PLPPR1: variants seen among roughly 807,000 people sequenced by gnomAD.
PLPPR1 encodes the protein phospholipid phosphatase-related protein type 1.
In PLPPR1, 10 loss-of-function variants were observed where a neutral mutation model predicts 33.1. The ratio of observed to expected loss-of-function variants is 0.30; its 90% confidence interval spans 0.19 to 0.51. The LOEUF (loss-of-function observed/expected upper bound fraction) is 0.51. PLPPR1 is among the 20% of genes least tolerant of loss of function. The pLI is 0.97. For missense variants in PLPPR1, 304 were observed against 408.1 expected, an observed-to-expected ratio of 0.74 and a Z score of 2.20; for synonymous variants, 151 against 151.0, an observed-to-expected ratio of 1.00 and a Z score of 0.00.
intron 1 of PLPPR1, among the ~76,000 whole-genome samples, chr9:101,135,820 T>C (rs1831371336): frequency 6.6e-6 from 1 of 152,200 alleles, no homozygotes; most frequent in Non-Finnish European, 1.5e-5. Flanking sequence ...CACCTTTACA[T>C]TTTTCAGTTT....
intron 1 of PLPPR1, among the ~76,000 whole-genome samples, chr9:101,090,233 C>T (rs1473401312): frequency 2.6e-5 from 4 of 152,078 alleles, no homozygotes; most frequent in African/African-American, 4.8e-5. Flanking sequence ...GCAAAGACCC[C>T]GTTTCCAAAC....
intron 1 of PLPPR1, among the ~76,000 whole-genome samples, chr9:101,070,193 T>C (rs1830465378): frequency 6.6e-6 from 1 of 152,144 alleles, no homozygotes; most frequent in South Asian, 2.1e-4. Flanking sequence ...TCAGGGGGAC[T>C]ATCAATTTAA....
rs924410742 is a variant in PLPPR1, at chr9:101,058,746, CAAATT to C, written c.-46+29648_-46+29652del. Among the ~76,000 whole-genome samples, 16 of 152,186 alleles carry C rather than the reference CAAATT, an allele frequency of 1.1e-4. No homozygotes were observed. The South Asian group carries it at 1.2e-3, about 12-fold the overall frequency. On this transcript the variant is annotated intron_variant, in intron 1 of 7. Coordinates refer to ENST00000374874, the MANE Select transcript of PLPPR1 (RefSeq NM_207299.2). ...CCATTTTATAGGCAAAAGAGTTTCTCAAATTAAAAATAATATTAACAACAGTAATA... is the reference window on the plus strand; with the variant it reads ...CCATTTTATAGGCAAAAGAGTTTCTCAAAAATAATATTAACAACAGTAATA...
chr9:101,038,177 C>A (rs2118411822), intron 1 of PLPPR1, among the ~76,000 whole-genome samples: 1 of 152,028 alleles, frequency 6.6e-6, no homozygotes, highest in Middle Eastern at 3.4e-3. Flanking sequence ...TTACTATTTA[C>A]TTTTAGCTAT....
In PLPPR1 at chr9:101,032,785, T is replaced by C. The variant is rs112299572; in HGVS notation, c.-46+3683T>C. 7.2e-3 allele frequency among the ~76,000 whole-genome samples: 1,093 copies of C among 152,212 alleles called. 15 individuals carry two copies. The highest frequency in any genetic ancestry group is 0.025 in the African/African-American group (1,037 of 41,502). On this transcript the variant is annotated intron_variant, in intron 1 of 7. Transcript: ENST00000374874. ...AGGCCACAAATCAAAACAAAAAACA[T>C]ATTTTCTCAGCTGCCCCTATGAAGA...
chr9:101,176,453 A>G (rs1320839894), intron 1 of PLPPR1, among the ~76,000 whole-genome samples: 2 of 152,180 alleles, frequency 1.3e-5, no homozygotes, highest in Non-Finnish European at 2.9e-5. Context: ...CCTCACTGGG[A>G]TGGTATCAGA....
At chr9:101,167,444 T>C (rs1479398376) in intron 1 of PLPPR1, among the ~76,000 whole-genome samples, 1 of 151,556 alleles carries the variant, frequency 6.6e-6, no homozygotes, top group Non-Finnish European at 1.5e-5. Context: ...TACTTTCCTG[T>C]ACAGCTTTTT....
Position 101,134,629 on chromosome 9 carries a change from C to T in PLPPR1, c.-45-50821C>T, listed in dbSNP as rs185362467. 2.8e-3 allele frequency among the ~76,000 whole-genome samples: 433 copies of T among 152,218 alleles called. 3 individuals are homozygous for T. Among genetic ancestry groups the T allele is most frequent in the African/African-American group, 9.3e-3 (388 of 41,536 alleles). On this transcript the variant is annotated intron_variant, in intron 1 of 7. Coordinates refer to ENST00000374874, the MANE Select transcript of PLPPR1 (RefSeq NM_207299.2). The stretch of plus-strand genomic sequence containing the variant: ...GAACTCCTGAGCTCAAGTGATTTGC[C>T]CACCTCAGCCTCCCAGAGTGCCGGG...
intron 2 of PLPPR1, among the ~76,000 whole-genome samples, chr9:101,225,594 A>T (rs1179159757): frequency 1.3e-5 from 2 of 152,162 alleles, no homozygotes; most frequent in East Asian, 3.9e-4. Flanking sequence ...CAGTGAAAAT[A>T]ACTCCAAATG....
At chr9:101,261,895 T>C (rs1174844141) in intron 2 of PLPPR1, among the ~76,000 whole-genome samples, 6 of 151,970 alleles carry the variant, frequency 3.9e-5, no homozygotes, top group Non-Finnish European at 8.8e-5. Context: ...ACCTACGTGA[T>C]GAAATAATCT....
chr9:101,299,052 G>T (rs556523423), intron 4 of PLPPR1, among the ~76,000 whole-genome samples: 2 of 152,204 alleles, frequency 1.3e-5, no homozygotes. Context: ...ATAAGTGACA[G>T]TGCCCAGGCA....
chr9:101,278,501 A>G (rs1828238187), intron 3 of PLPPR1, among the ~76,000 whole-genome samples: 2 of 152,216 alleles, frequency 1.3e-5, no homozygotes, highest in South Asian at 2.1e-4. Flanking sequence ...TGAAAATGGT[A>G]GAAAGGAGAA....
intron 4 of PLPPR1, among the ~76,000 whole-genome samples, chr9:101,303,488 A>G (rs1828790458): frequency 6.6e-6 from 1 of 152,128 alleles, no homozygotes; most frequent in Non-Finnish European, 1.5e-5. Context: ...TTTAGTAGAG[A>G]CAGGATTTCA....
intron 1 of PLPPR1, among the ~76,000 whole-genome samples, chr9:101,072,694 T>C (rs1830494809): frequency 6.6e-6 from 1 of 152,176 alleles, no homozygotes; most frequent in Non-Finnish European, 1.5e-5. Context: ...CAAATAAAAT[T>C]GCTGCCAAGG....
intron 1 of PLPPR1, among the ~76,000 whole-genome samples, chr9:101,162,275 G>C (rs1319848063): frequency 2.0e-5 from 3 of 152,122 alleles, no homozygotes; most frequent in Non-Finnish European, 4.4e-5. Flanking sequence ...CACAGCCTGA[G>C]AGTGCTTTGT....
chr9:101,116,869 T>G (rs576378387), intron 1 of PLPPR1, among the ~76,000 whole-genome samples: 1 of 151,968 alleles, frequency 6.6e-6, no homozygotes, highest in South Asian at 2.1e-4. Context: ...TTTTCCTAAA[T>G]TGAGCACTTA....
At chr9:101,221,953 A>T (rs951588264) in intron 2 of PLPPR1, among the ~76,000 whole-genome samples, 4 of 152,200 alleles carry the variant, frequency 2.6e-5, no homozygotes, top group African/African-American at 9.6e-5. Context: ...TCCTTGTATA[A>T]TGAGAGGATC....
intron 2 of PLPPR1, among the ~76,000 whole-genome samples, chr9:101,196,731 G>A (rs1288205362): frequency 6.6e-6 from 1 of 152,148 alleles, no homozygotes; most frequent in African/African-American, 2.4e-5. Flanking sequence ...TGGGCGTGGT[G>A]GCGGGTGCCT....
At chr9:101,293,059 T>C (rs1828548371) in intron 4 of PLPPR1, among the ~76,000 whole-genome samples, 1 of 151,878 alleles carries the variant, frequency 6.6e-6, no homozygotes, top group African/African-American at 2.4e-5. Flanking sequence ...AGGAAACCCA[T>C]CTCATGTGCA....
Sources: allele counts gnomAD v4.1 joint callset (sites outside exome capture counted in the v4.1 genomes callset), GRCh38; gene constraint gnomAD v4.1.1; transcripts MANE v1.5; gene names NCBI Gene and HGNC (gene_info 2026-07-23, HGNC 2026-07-21).